The following OPN5 variants were observed in gnomAD, a reference collection of about 807,000 sequenced individuals.
OPN5 encodes the protein opsin 5.
Under a neutral mutation model 41.7 loss-of-function variants are expected in OPN5, and 18 were observed. That is an observed-to-expected ratio of 0.43 (90% CI 0.30 to 0.64). OPN5 has a LOEUF of 0.64. Ranked by LOEUF, OPN5 falls within the 30% of genes least tolerant of loss-of-function variation. The pLI is 0.13. For synonymous variants in OPN5, 178 were observed against 164.3 expected, an observed-to-expected ratio of 1.08 and a Z score of -0.64; for missense variants, 318 against 434.5, an observed-to-expected ratio of 0.73 and a Z score of 2.38.
chr6:47,813,467 G>A (rs1188167000), intron 6 of OPN5, among the ~76,000 whole-genome samples: 1 of 152,194 alleles, frequency 6.6e-6, no homozygotes, highest in East Asian at 1.9e-4. Flanking sequence ...ATTAAGGCGA[G>A]TGGTGGTGGT....
intron 1 of OPN5, among the ~76,000 whole-genome samples, 200 bp downstream of exon 1, chr6:47,782,396 G>A (rs1773112156): frequency 6.6e-6 from 1 of 151,950 alleles, no homozygotes; most frequent in Non-Finnish European, 1.5e-5. Context: ...TTATTATTAG[G>A]AATAAAATTC....
At chr6:47,815,434 G>A (rs1360719885) in intron 6 of OPN5, among the ~76,000 whole-genome samples, 2 of 152,090 alleles carry the variant, frequency 1.3e-5, no homozygotes, top group African/African-American at 2.4e-5. Flanking sequence ...AGAGCTAGAT[G>A]ATGAGTAGGC....
At chr6:47,818,015 T>G (rs1298840015) in intron 6 of OPN5, among the ~76,000 whole-genome samples, 1 of 152,174 alleles carries the variant, frequency 6.6e-6, no homozygotes, top group East Asian at 1.9e-4. Context: ...TTTCTTCGCA[T>G]ACAGCTATAT....
intron 6 of OPN5, among the ~76,000 whole-genome samples, chr6:47,816,886 G>A (rs1379003205): frequency 1.3e-5 from 2 of 152,090 alleles, no homozygotes; most frequent in African/African-American, 2.4e-5. Flanking sequence ...GAGGAAATAG[G>A]TGATTATTCC....
At chr6:47,797,708 C>T (rs1773621910) in intron 4 of OPN5, among the ~76,000 whole-genome samples, 1 of 152,216 alleles carries the variant, frequency 6.6e-6, no homozygotes, top group South Asian at 2.1e-4. Flanking sequence ...CCATCCCCCT[C>T]ACCTCTCTGT....
intron 1 of OPN5, among the ~76,000 whole-genome samples, chr6:47,785,808 G>T (rs1773175074): frequency 6.6e-6 from 1 of 152,218 alleles, no homozygotes; most frequent in Non-Finnish European, 1.5e-5. Flanking sequence ...GGCATTGTTG[G>T]TAGGTTCGGT....
chr6:47,799,667 G>A (rs1773698071), intron 4 of OPN5, among the ~76,000 whole-genome samples: 1 of 152,160 alleles, frequency 6.6e-6, no homozygotes. Context: ...GGGAAGTGAG[G>A]CACATGTTTT....
intron 6 of OPN5, among the ~76,000 whole-genome samples, chr6:47,821,729 G>T (rs990828814): frequency 6.6e-6 from 1 of 152,102 alleles, no homozygotes; most frequent in African/African-American, 2.4e-5. Flanking sequence ...GAGTTTCATG[G>T]GATGCTTGGT....
chr6:47,811,964 T>C (rs1774223644), intron 6 of OPN5: 1 of 323,052 alleles, frequency 3.1e-6, no homozygotes, highest in African/African-American at 2.1e-5. Context: ...GGAACTTTCT[T>C]TTCTCGTACT....
chr6:47,787,573 C>A (rs1345616915), intron 2 of OPN5, among the ~76,000 whole-genome samples: 1 of 152,110 alleles, frequency 6.6e-6, no homozygotes, highest in Non-Finnish European at 1.5e-5. Flanking sequence ...CCATTAGAAA[C>A]TTGTTAGTAG....
intron 1 of OPN5, 133 bp downstream of exon 1, chr6:47,782,329 A>G: frequency 1.4e-6 from 1 of 715,980 alleles, no homozygotes; most frequent in South Asian, 1.8e-5. Context: ...AAGGCAGAAG[A>G]TGGAATGGCA....
chr6:47,801,329 C>A (rs892151568), intron 4 of OPN5, among the ~76,000 whole-genome samples: 1 of 152,144 alleles, frequency 6.6e-6, no homozygotes, highest in Non-Finnish European at 1.5e-5. Context: ...GGCTCTAGGG[C>A]CTCTGTTTCT....
intron 2 of OPN5, among the ~76,000 whole-genome samples, chr6:47,788,521 A>G (rs1773264059): frequency 6.6e-6 from 1 of 152,010 alleles, no homozygotes; most frequent in African/African-American, 2.4e-5. Context: ...ACCAGAAACC[A>G]CTTTCTTTCA....
At chr6:47,803,000 A>G (rs946109402) in intron 4 of OPN5, among the ~76,000 whole-genome samples, 1 of 152,088 alleles carries the variant, frequency 6.6e-6, no homozygotes, top group Non-Finnish European at 1.5e-5. Flanking sequence ...TATTGCTTAG[A>G]TCACAATGAG....
intron 6 of OPN5, among the ~76,000 whole-genome samples, chr6:47,819,097 G>A (rs1025602677): frequency 5.3e-5 from 8 of 151,734 alleles, no homozygotes; most frequent in East Asian, 1.9e-4. Flanking sequence ...GCAAAAGTTC[G>A]TACAAAAAGG....
At chr6:47,805,482 T>C (rs1773924405) in intron 4 of OPN5, among the ~76,000 whole-genome samples, 1 of 152,048 alleles carries the variant, frequency 6.6e-6, no homozygotes, top group Non-Finnish European at 1.5e-5. Context: ...TCTGAAATTC[T>C]TGGGTAGAAT....
chr6:47,819,577 T>C (rs1581763468), intron 6 of OPN5, among the ~76,000 whole-genome samples: 1 of 151,728 alleles, frequency 6.6e-6, no homozygotes, highest in African/African-American at 2.4e-5. Flanking sequence ...AACAAAACCA[T>C]TCACATTAGT....
intron 4 of OPN5, among the ~76,000 whole-genome samples, chr6:47,795,778 T>A (rs12664591): frequency 0.049 from 6,994 of 142,774 alleles, 214 homozygotes; most frequent in Middle Eastern, 0.1. Context: ...TCTCTCTCTC[T>A]CACACACACA....
chr6:47,784,708 A>T (rs1373546246), intron 1 of OPN5, among the ~76,000 whole-genome samples: 1 of 152,204 alleles, frequency 6.6e-6, no homozygotes, highest in Non-Finnish European at 1.5e-5. Context: ...TAACAATATA[A>T]ATCTGAGTTT....
Sources: allele counts gnomAD v4.1 joint callset (sites outside exome capture counted in the v4.1 genomes callset), GRCh38; gene constraint gnomAD v4.1.1; transcripts MANE v1.5; gene names NCBI Gene and HGNC (gene_info 2026-07-23, HGNC 2026-07-21).